The following PCDHA4 variants were observed in gnomAD, a reference collection of about 807,000 sequenced individuals.
PCDHA4 encodes protocadherin alpha 4.
In PCDHA4, 49 loss-of-function variants were observed where a neutral mutation model predicts 61.4. The observed-to-expected ratio is 0.80, with a 90% CI of 0.63 to 1.01. The LOEUF (loss-of-function observed/expected upper bound fraction) is 1.01, where lower values mean the gene tolerates loss of function less well. Among genes scored for constraint, PCDHA4 ranks in the 50% least tolerant of loss-of-function variants. The pLI is 0.00. For missense variants in PCDHA4, 1,254 were observed against 1,235.8 expected, an observed-to-expected ratio of 1.01 and a Z score of -0.22; for synonymous variants, 590 against 550.3, an observed-to-expected ratio of 1.07 and a Z score of -1.01.
chr5:140,997,567 G>A (rs1163598467), intron 3 of PCDHA4, among the ~76,000 whole-genome samples: 1 of 152,130 alleles, frequency 6.6e-6, no homozygotes, highest in Non-Finnish European at 1.5e-5. Flanking sequence ...ACTGTCATAT[G>A]TGTGGTCCGT....
At chr5:140,931,817 C>A (rs2087768963) in intron 1 of PCDHA4, among the ~76,000 whole-genome samples, 1 of 151,876 alleles carries the variant, frequency 6.6e-6, no homozygotes, top group Non-Finnish European at 1.5e-5. Context: ...GAAAAGAATT[C>A]TTGTCATAGT....
intron 1 of PCDHA4, among the ~76,000 whole-genome samples, chr5:140,952,740 C>T (rs2094790841): frequency 1.3e-5 from 2 of 152,184 alleles, no homozygotes; most frequent in African/African-American, 2.4e-5. Flanking sequence ...TTTTCTCACA[C>T]TGCTATAAAA....
chr5:141,006,404 G>A (rs1001810745), intron 3 of PCDHA4, among the ~76,000 whole-genome samples: 2 of 151,938 alleles, frequency 1.3e-5, no homozygotes, highest in East Asian at 1.9e-4. Flanking sequence ...TAGTAGAGAC[G>A]CGGTTTCACT....
chr5:140,873,012 T>G (rs542650049), intron 1 of PCDHA4, among the ~76,000 whole-genome samples: 1 of 152,192 alleles, frequency 6.6e-6, no homozygotes. Context: ...TTCTTCATAT[T>G]TAGTTATTCT....
rs77940063 is a variant in PCDHA4, at chr5:140,966,638, T to G, written c.2386-12311T>G. Reference sequence around the variant, plus strand: ...ACGGAGGGAGCGGCCCCAGGCGCTTTCTAGAGCGTGAGCGGTGGGGGAGCA... The same window carrying G: ...ACGGAGGGAGCGGCCCCAGGCGCTTGCTAGAGCGTGAGCGGTGGGGGAGCA... On this transcript the variant is annotated intron_variant, in intron 1 of 3. Transcript: ENST00000530339. The G allele has an allele frequency of 3.9e-3, 4,251 of 1,090,104 alleles. 104 individuals carry two copies. The African/African-American group carries it at 0.057, about 15-fold the overall frequency. 67.5% of individuals were successfully genotyped at this position (1,090,104 alleles called of 1,614,324 possible).
chr5:140,874,695 T>C (rs1278085784), intron 1 of PCDHA4, among the ~76,000 whole-genome samples: 1 of 152,228 alleles, frequency 6.6e-6, no homozygotes, highest in East Asian at 1.9e-4. Flanking sequence ...TAACATGTTA[T>C]GGAAATGAGA....
chr5:140,991,534 T>C (rs1393603513), intron 3 of PCDHA4, among the ~76,000 whole-genome samples: 1 of 152,236 alleles, frequency 6.6e-6, no homozygotes, highest in African/African-American at 2.4e-5. Context: ...CTTGCCACTA[T>C]ATAACAAGGA....
intron 1 of PCDHA4, chr5:140,927,278 T>C: frequency 6.2e-7 from 1 of 1,614,094 alleles, no homozygotes; most frequent in Non-Finnish European, 8.5e-7. Flanking sequence ...GCCGGCGACG[T>C]GCAGCTGCAC....
chr5:140,935,995 C>T (rs1282709145), intron 1 of PCDHA4, among the ~76,000 whole-genome samples: 7 of 150,888 alleles, frequency 4.6e-5, no homozygotes, highest in South Asian at 2.1e-4. Context: ...CGGGTTCAAG[C>T]GATTCTCCCA....
chr5:140,938,928 T>G (rs1220764640), intron 1 of PCDHA4, among the ~76,000 whole-genome samples: 2 of 152,104 alleles, frequency 1.3e-5, no homozygotes, highest in African/African-American at 4.8e-5. Flanking sequence ...AAATTGGCTT[T>G]TAACTTTCCA....
chr5:140,941,316 T>C (rs1479003076), intron 1 of PCDHA4, among the ~76,000 whole-genome samples: 1 of 135,480 alleles, frequency 7.4e-6, no homozygotes, highest in African/African-American at 2.7e-5. Flanking sequence ...TTTTCTTCTT[T>C]CTCTTTTTTT....
intron 1 of PCDHA4, among the ~76,000 whole-genome samples, chr5:140,971,869 A>G (rs1277835883): frequency 1.3e-5 from 2 of 152,182 alleles, no homozygotes; most frequent in Non-Finnish European, 2.9e-5. Flanking sequence ...AACATCTAGC[A>G]TATGAGGAAA....
chr5:140,839,718 T>C (rs182752192), intron 1 of PCDHA4, among the ~76,000 whole-genome samples: 1 of 152,078 alleles, frequency 6.6e-6, no homozygotes, highest in African/African-American at 2.4e-5. Flanking sequence ...CAAATTTAAA[T>C]CATTTCACAG....
chr5:140,831,488 T>TAGC (rs2150194785), intron 1 of PCDHA4, among the ~76,000 whole-genome samples: 86,389 of 148,520 alleles, frequency 0.58, 25,934 homozygotes, highest in African/African-American at 0.72. Context: ...GCCTCTGGAG[T>TAGC]TACTACACAC....
intron 3 of PCDHA4, among the ~76,000 whole-genome samples, chr5:141,009,291 T>G (rs115348370): frequency 2.9e-3 from 436 of 152,228 alleles, no homozygotes; most frequent in African/African-American, 9.9e-3. Flanking sequence ...CCCATTTCTA[T>G]AAAATTTTTT....
chr5:140,871,369 A>G, intron 1 of PCDHA4: 1 of 1,614,218 alleles, frequency 6.2e-7, no homozygotes. Context: ...GAGGCGGCAG[A>G]GGGTGTGCTC....
chr5:140,967,154 G>A, intron 1 of PCDHA4: 2 of 1,610,730 alleles, frequency 1.2e-6, no homozygotes, highest in Non-Finnish European at 1.7e-6. Flanking sequence ...CAACCCCGTG[G>A]CGGTGAGCGC....
At position 140,809,308 on chromosome 5, in the gene PCDHA4, G is replaced by C; in HGVS notation, c.2121G>C (p.Val707=). Residue 707 remains valine, a synonymous_variant, in exon 1 of 4, where the codon GTG becomes GTC. Coordinates refer to ENST00000530339, the MANE Select transcript of PCDHA4 (RefSeq NM_018907.4). ...NVYLIIAICA[V]SSLLVLTLLL... ...ACCTGATCATTGCCATCTGCGCGGT[G>C]TCCAGCCTTTTGGTGCTCACGCTGC... 3.7e-6 allele frequency: 6 copies of C among 1,614,122 alleles called. No individual in the cohort carries two copies. The highest frequency in any genetic ancestry group is 4.2e-6 in the Non-Finnish European group (5 of 1,179,950).
At chr5:140,941,220 TTTC>T (rs2092903024) in intron 1 of PCDHA4, among the ~76,000 whole-genome samples, 1 of 131,326 alleles carries the variant, frequency 7.6e-6, no homozygotes, top group Non-Finnish European at 1.6e-5. Flanking sequence ...TCTTCCTTTC[TTTC>T]TTTCTTTCTT....
Sources: gnomAD v4.1 joint callset for allele counts (sites outside exome capture counted in the v4.1 genomes callset) on GRCh38, gnomAD v4.1.1 for gene constraint, MANE v1.5 for transcripts, NCBI Gene and HGNC (gene_info 2026-07-23, HGNC 2026-07-21) for gene names.